Variants in TCEA1 observed in about 807,000 individuals in gnomAD.
TCEA1 encodes the protein transcription elongation factor A1, also known as transcription elongation factor A protein 1.
In TCEA1, 21 loss-of-function variants were observed where a neutral mutation model predicts 43.8. The ratio of observed to expected loss-of-function variants is 0.48; its 90% CI spans 0.34 to 0.69. The LOEUF (loss-of-function observed/expected upper bound fraction) is 0.69. Ranked by LOEUF, TCEA1 falls within the 30% of genes least tolerant of loss-of-function variation. The pLI is 0.01. For synonymous variants in TCEA1, 104 were observed against 117.5 expected (o/e 0.88, Z 0.75); for missense variants, 250 against 365.1 (o/e 0.68, Z 2.57).
intron 1 of TCEA1, among the ~76,000 whole-genome samples, chr8:54,018,256 G>C (rs369475407): frequency 1.2e-4 from 19 of 152,076 alleles, no homozygotes; most frequent in African/African-American, 4.3e-4. Context: ...ACTCAACCTT[G>C]AGCCTTCAAT....
chr8:53,977,570 T>C (rs1354747183), intron 8 of TCEA1, among the ~76,000 whole-genome samples: 1 of 152,230 alleles, frequency 6.6e-6, no homozygotes. Context: ...AAGTGCTTAA[T>C]GTTCTATCGG....
intron 6 of TCEA1, among the ~76,000 whole-genome samples, chr8:53,986,188 G>C (rs1803684326): frequency 6.6e-6 from 1 of 152,204 alleles, no homozygotes; most frequent in Non-Finnish European, 1.5e-5. Context: ...CTCAGCAGTA[G>C]TTTTGAAAGC....
chr8:54,001,989 AC>A (rs1421081892), intron 2 of TCEA1, among the ~76,000 whole-genome samples: 19 of 147,030 alleles, frequency 1.3e-4, no homozygotes, highest in East Asian at 4.1e-4. Flanking sequence ...AAAAAAAAAA[AC>A]AAAAAACAAA....
rs560546572 is a variant in TCEA1, at chr8:53,993,841, T to C, written c.233-86A>G. ...GCGTTAACAGGCTATTTGCACAACA[T>C]GAACTAAAATCCTAAGTTTCCTACA... is the stretch of plus-strand genomic sequence containing the variant. On this transcript the variant is annotated intron_variant, in intron 3 of 9. Transcript: ENST00000521604. The C allele has an allele frequency of 3.3e-5, 34 of 1,035,728 alleles. No individual in the cohort carries two copies. The African/African-American group carries it at 4.7e-4, about 14-fold the overall frequency. 64.2% of individuals were successfully genotyped at this position (1,035,728 alleles called of 1,614,324 possible). A position where few individuals can be genotyped will look rare whatever the true frequency, so the allele number is the denominator to read the frequency against.
intron 2 of TCEA1, among the ~76,000 whole-genome samples, chr8:54,000,514 A>ATT (rs1399587826): frequency 6.6e-6 from 1 of 152,214 alleles, no homozygotes; most frequent in African/African-American, 2.4e-5. Context: ...CCAGGTTTAA[A>ATT]AGGCTTTATT....
intron 1 of TCEA1, among the ~76,000 whole-genome samples, chr8:54,012,484 AG>A (rs1462526827): frequency 6.6e-6 from 1 of 152,158 alleles, no homozygotes; most frequent in Non-Finnish European, 1.5e-5. Flanking sequence ...GCTTGAACCC[AG>A]GAAGTGGAGG....
intron 1 of TCEA1, among the ~76,000 whole-genome samples, chr8:54,019,623 G>C (rs902724252): frequency 6.0e-5 from 9 of 148,944 alleles, no homozygotes; most frequent in Admixed American, 6.0e-4. Flanking sequence ...AAAAAGCTGA[G>C]AGAAAAATCT....
intron 7 of TCEA1, 27 bp downstream of exon 7, chr8:53,984,336 A>G: frequency 2.6e-6 from 4 of 1,567,912 alleles, no homozygotes; most frequent in Middle Eastern, 2.4e-4. Flanking sequence ...ATCACATTAT[A>G]GAAACCTCAG....
chr8:54,022,062 C>T lies in TCEA1; in HGVS notation c.63+1G>A. On this transcript the variant is annotated splice_donor_variant, in intron 1 of 9. Transcript: ENST00000521604. LOFTEE classifies it high-confidence loss of function. Reference sequence around the variant, plus strand: ...CGGCCCGCGCCGCTCGCCGCGCTCACCGCGTTCTTCTTCTGCACCATCTTG... The same window carrying T: ...CGGCCCGCGCCGCTCGCCGCGCTCATCGCGTTCTTCTTCTGCACCATCTTG... 1.3e-6 allele frequency: 2 copies of T among 1,589,236 alleles called. No individual in the cohort carries two copies. The highest frequency in any genetic ancestry group is 1.1e-5 in the South Asian group (1 of 88,538).
chr8:53,979,184 G>A lies in TCEA1; in HGVS notation c.679-13C>T. 6.2e-7 allele frequency: 1 copy of A among 1,609,408 alleles called. No homozygotes were observed. Among genetic ancestry groups the A allele is most frequent in the Non-Finnish European group, 8.5e-7 (1 of 1,176,548 alleles). ...CACTAGCCATTTCCTATGAGGTAGG[G>A]GGCAATACCACTCAGTTATAGACAC... is the stretch of plus-strand genomic sequence containing the variant. On this transcript the variant is annotated splice_polypyrimidine_tract_variant and intron_variant, in intron 7 of 9. Coordinates refer to ENST00000521604, the MANE Select transcript of TCEA1 (RefSeq NM_006756.4).
At chr8:53,995,156 C>G (rs1315193752) in intron 3 of TCEA1, among the ~76,000 whole-genome samples, 2 of 151,912 alleles carry the variant, frequency 1.3e-5, no homozygotes, top group African/African-American at 4.8e-5. Flanking sequence ...CAAAAATTAG[C>G]TGGACATGGT....
At chr8:54,010,389 G>T (rs1250758171) in intron 2 of TCEA1, 41 bp downstream of exon 2, 4 of 1,474,818 alleles carry the variant, frequency 2.7e-6, no homozygotes, top group South Asian at 2.5e-5. Flanking sequence ...ATTTTATGAC[G>T]ACTACCTATT....
At chr8:53,983,807 A>C (rs1164806495) in intron 7 of TCEA1, among the ~76,000 whole-genome samples, 11 of 152,234 alleles carry the variant, frequency 7.2e-5, no homozygotes. Context: ...AAAAGTAAAA[A>C]ACACTTGGTG....
At chr8:53,997,173 G>T (rs1804087111) in intron 3 of TCEA1, among the ~76,000 whole-genome samples, 1 of 152,156 alleles carries the variant, frequency 6.6e-6, no homozygotes, top group East Asian at 1.9e-4. Flanking sequence ...CTCCCAAAGT[G>T]CTGAGATTAC....
At chr8:53,978,235 C>A (rs1585992411) in intron 8 of TCEA1, among the ~76,000 whole-genome samples, 1 of 151,638 alleles carries the variant, frequency 6.6e-6, no homozygotes, top group African/African-American at 2.4e-5. Flanking sequence ...CCCATCTCCG[C>A]AAAAAAATAA....
intron 1 of TCEA1, among the ~76,000 whole-genome samples, chr8:54,015,368 CTA>C (rs1642834820): frequency 1.3e-5 from 2 of 152,232 alleles, no homozygotes; most frequent in Non-Finnish European, 2.9e-5. Context: ...TGGGGTTTCA[CTA>C]TGTTAGCCAG....
intron 1 of TCEA1, among the ~76,000 whole-genome samples, chr8:54,019,951 A>T (rs952836259): frequency 2.0e-5 from 3 of 152,240 alleles, no homozygotes; most frequent in African/African-American, 7.2e-5. Context: ...AAGAAAACTT[A>T]GATTTGAGGA....
At chr8:53,971,815 GA>G in intron 8 of TCEA1, 2 of 212,894 alleles carry the variant, frequency 9.4e-6, no homozygotes, top group Non-Finnish European at 1.7e-5. Flanking sequence ...ATCTAGTTGA[GA>G]AAAAGAAAGA....
intron 8 of TCEA1, chr8:53,972,462 G>GA: frequency 1.9e-6 from 1 of 519,042 alleles, no homozygotes; most frequent in South Asian, 1.5e-5. Context: ...TGCATGGAGA[G>GA]AATCAGATAA....
Sources: allele counts gnomAD v4.1 joint callset (sites outside exome capture counted in the v4.1 genomes callset), GRCh38; gene constraint gnomAD v4.1.1; transcripts MANE v1.5; gene names NCBI Gene and HGNC (gene_info 2026-07-23, HGNC 2026-07-21).